Variants in PDZD2 observed in about 807,000 individuals in gnomAD.
The protein encoded by PDZD2 is PDZ domain-containing protein 2.
In PDZD2, 90 loss-of-function variants were observed where a neutral mutation model predicts 220.7. The observed-to-expected ratio is 0.41, with a 90% CI of 0.34 to 0.49. The LOEUF is 0.49. Among genes scored for constraint, PDZD2 ranks in the 20% least tolerant of loss-of-function variants. The pLI, the probability that PDZD2 is intolerant of heterozygous loss-of-function variation, is 0.28. For synonymous variants in PDZD2, 1,375 were observed against 1,450.5 expected (o/e 0.95, Z 1.18); for missense variants, 3,174 against 3,608.5 (o/e 0.88, Z 3.08).
intron 6 of PDZD2, among the ~76,000 whole-genome samples, chr5:32,029,245 ACCCC>A (rs1213772650): frequency 6.9e-6 from 1 of 144,296 alleles, no homozygotes; most frequent in Non-Finnish European, 1.5e-5. Flanking sequence ...GATGACCCAA[ACCCC>A]AGTCCCTAGA....
At chr5:31,820,639 T>C (rs903654888) in intron 2 of PDZD2, 2 of 152,214 alleles carry the variant, frequency 1.3e-5, no homozygotes, top group Non-Finnish European at 2.9e-5. Flanking sequence ...CTTAAAATGC[T>C]TGTGATCTTG....
chr5:31,812,047 C>A (rs2150244421), intron 2 of PDZD2, among the ~76,000 whole-genome samples: 1 of 150,272 alleles, frequency 6.7e-6, no homozygotes, highest in East Asian at 2.0e-4. Context: ...AAAATTCAAG[C>A]TCTGTTAAGT....
chr5:31,890,823 T>C (rs993514924), intron 2 of PDZD2, among the ~76,000 whole-genome samples: 15 of 152,168 alleles, frequency 9.9e-5, no homozygotes, highest in Non-Finnish European at 8.8e-5. Context: ...CCCTCCCTCT[T>C]GGCCGCCTTT....
rs529563639 is a variant in PDZD2 at position 31,877,497 on chromosome 5, G to A, written c.476+77773G>A. ...GCCTCTCAAAGTGATAGGATTACAG[G>A]CATGAGACACCATGCCTGGCCCAGA... On this transcript the variant is annotated intron_variant, in intron 2 of 24. Transcript: ENST00000438447. 4.6e-5 allele frequency among the ~76,000 whole-genome samples: 7 copies of A among 152,156 alleles called. No homozygotes were observed. In the South Asian group the frequency reaches 1.5e-3, roughly 32 times the overall value.
chr5:31,850,224 A>ATAT (rs1491134695), intron 2 of PDZD2, among the ~76,000 whole-genome samples: 3 of 62,170 alleles, frequency 4.8e-5, no homozygotes, highest in African/African-American at 2.6e-4. Context: ...GTATATATAT[A>ATAT]AGTATATATA....
intron 2 of PDZD2, among the ~76,000 whole-genome samples, chr5:31,815,994 A>G (rs879784483): frequency 7.2e-5 from 11 of 152,168 alleles, no homozygotes; most frequent in Non-Finnish European, 1.5e-4. Flanking sequence ...GAACTTAAAC[A>G]TGACTGGGAT....
At chr5:31,988,441 T>TA (rs1554019949) in intron 3 of PDZD2, among the ~76,000 whole-genome samples, 4 of 146,376 alleles carry the variant, frequency 2.7e-5, no homozygotes, top group African/African-American at 5.1e-5. Context: ...GAGATGGGGG[T>TA]GGGGGGGGTG....
At chr5:31,658,559 T>C (rs39792) in intron 1 of PDZD2, among the ~76,000 whole-genome samples, 145,305 of 152,144 alleles carry the variant, frequency 0.96, 69,713 homozygotes, top group East Asian at 1. Flanking sequence ...AACTAATACC[T>C]CTTTGTCTTT....
At chr5:31,704,160 G>A (rs189939862) in intron 1 of PDZD2, among the ~76,000 whole-genome samples, 1 of 152,200 alleles carries the variant, frequency 6.6e-6, no homozygotes, top group East Asian at 1.9e-4. Flanking sequence ...CTACAGGAAT[G>A]CACTGTCATG....
chr5:31,973,297 T>G (rs1258762379), intron 2 of PDZD2, among the ~76,000 whole-genome samples: 3 of 152,218 alleles, frequency 2.0e-5, no homozygotes, highest in African/African-American at 7.2e-5. Context: ...GAGTGTAAAT[T>G]TAAGTCATTC....
chr5:32,092,986 A>G lies in PDZD2; in HGVS notation c.7807A>G (p.Ile2603Val), dbSNP rs1334400446. 13 of 1,600,722 alleles carry G rather than the reference A, an allele frequency of 8.1e-6. No individual in the cohort carries two copies. In the African/African-American group the frequency reaches 1.7e-4, roughly 21 times the overall value. The change falls in exon 21 of 25, where the codon ATC becomes GTC. Residue 2603 changes from isoleucine to valine, a missense_variant. Physicochemically the swap from Ile to Val is conservative, Grantham distance 29. Around this residue, in one of 4 missense-constraint regions of PDZD2, gnomAD observed 631 missense variants for 789.9 expected, o/e 0.80. Coordinates refer to ENST00000438447, the MANE Select transcript of PDZD2 (RefSeq NM_178140.4). ...VLSSVGSKSTILTLIQEAKAQ... is the reference protein window; with the variant it reads ...VLSSVGSKSTVLTLIQEAKAQ... ...ATCGTCAGTGGGATCGAAATCTACC[A>G]TCCTAACTCTCATTCAGGAAGCGAA...
chr5:31,709,953 C>T (rs1453624929), intron 1 of PDZD2, among the ~76,000 whole-genome samples: 1 of 152,044 alleles, frequency 6.6e-6, no homozygotes, highest in African/African-American at 2.4e-5. Context: ...GAGACTCCAT[C>T]TCAAAAAAAA....
chr5:31,893,700 G>A (rs967865306), intron 2 of PDZD2, among the ~76,000 whole-genome samples: 6 of 152,144 alleles, frequency 3.9e-5, no homozygotes, highest in African/African-American at 1.2e-4. Flanking sequence ...ACCTTGTGTA[G>A]GCTCTTATTC....
intron 1 of PDZD2, among the ~76,000 whole-genome samples, chr5:31,737,482 A>T (rs971853979): frequency 1.3e-5 from 2 of 152,050 alleles, no homozygotes; most frequent in East Asian, 3.9e-4. Context: ...AGAGCAGTCT[A>T]CTTCTTATAG....
intron 6 of PDZD2, among the ~76,000 whole-genome samples, chr5:32,020,073 AT>A (rs34451894): frequency 0.46 from 67,280 of 145,998 alleles, 16,830 homozygotes; most frequent in Non-Finnish European, 0.58. Flanking sequence ...TTTTAATTTA[AT>A]TTTTTTTTTT....
intron 21 of PDZD2, among the ~76,000 whole-genome samples, chr5:32,096,829 ATTTTT>A (rs71831480): frequency 3.2e-4 from 31 of 96,828 alleles, no homozygotes; most frequent in Non-Finnish European, 4.1e-4. Context: ...ATGTACTATG[ATTTTT>A]TTTTTTTTTT....
chr5:31,882,352 G>A (rs1166392960), intron 2 of PDZD2, among the ~76,000 whole-genome samples: 1 of 152,128 alleles, frequency 6.6e-6, no homozygotes, highest in Admixed American at 6.5e-5. Flanking sequence ...ACAACTGATC[G>A]AGGCTGCCCC....
In PDZD2 at chr5:32,048,596, G is replaced by A. The variant is rs1054068008; in HGVS notation, c.1577G>A (p.Gly526Glu). 3 of 1,613,888 alleles carry A rather than the reference G, an allele frequency of 1.9e-6. No homozygotes were observed. The highest frequency in any genetic ancestry group is 1.1e-5 in the South Asian group (1 of 91,070). ...TATAACGAGCTGATGGTGCGGAATG[G>A]GGACCCCCGGATCCGGATGTTGGAG... ...EEYNELMVRN[G>E]DPRIRMLEVS... Residue 526 changes from glycine to glutamate, a missense_variant, in exon 8 of 25, where the codon GGG becomes GAG. Around this residue, in one of 4 missense-constraint regions of PDZD2, gnomAD observed 632 missense variants for 708.1 expected, o/e 0.89. Transcript: ENST00000438447.
At chr5:31,713,562 A>C (rs996334125) in intron 1 of PDZD2, among the ~76,000 whole-genome samples, 2 of 152,166 alleles carry the variant, frequency 1.3e-5, no homozygotes, top group Admixed American at 6.5e-5. Context: ...ATGCAGGTAC[A>C]TCCGTCATGA....
Sources: allele counts gnomAD v4.1 joint callset (sites outside exome capture counted in the v4.1 genomes callset), GRCh38; gene constraint gnomAD v4.1.1; regional missense constraint gnomAD v4.1.1; transcripts MANE v1.5; gene names NCBI Gene and HGNC (gene_info 2026-07-23, HGNC 2026-07-21).